Variants in DGKG observed in about 807,000 individuals in gnomAD.
DGKG encodes diacylglycerol kinase gamma.
A neutral mutation model predicts 105.3 loss-of-function variants in DGKG; 78 were observed. The observed-to-expected ratio is 0.74, with a 90% CI of 0.62 to 0.89. The LOEUF is 0.89. Ranked by LOEUF, DGKG falls within the 40% of genes least tolerant of loss-of-function variation. DGKG has a pLI of 0.00. For missense variants in DGKG, 958 were observed against 1,020.1 expected, an observed-to-expected ratio of 0.94 and a Z score of 0.83; for synonymous variants, 346 against 367.1, an observed-to-expected ratio of 0.94 and a Z score of 0.66.
chr3:186,315,012 T>C (rs756127956), intron 2 of DGKG, among the ~76,000 whole-genome samples: 5 of 152,132 alleles, frequency 3.3e-5, no homozygotes. Context: ...AGAGGGTCAG[T>C]AGGCGGCATC....
At chr3:186,291,118 C>T (rs1723293562) in intron 5 of DGKG, among the ~76,000 whole-genome samples, 1 of 152,138 alleles carries the variant, frequency 6.6e-6, no homozygotes, top group Admixed American at 6.5e-5. Flanking sequence ...AAAAACAAAG[C>T]TCAGGACTTT....
At chr3:186,312,492 G>A (rs370747714) in intron 2 of DGKG, among the ~76,000 whole-genome samples, 68 of 152,272 alleles carry the variant, frequency 4.5e-4, no homozygotes, top group African/African-American at 1.6e-3. Context: ...TGGATCTGGG[G>A]CTGACTGCTG....
At chr3:186,313,542 T>C (rs1043764212) in intron 2 of DGKG, 74 of 985,150 alleles carry the variant, frequency 7.5e-5, no homozygotes, top group Non-Finnish European at 8.7e-5. Context: ...ATCAGACAAC[T>C]TGGACCATCT....
intron 24 of DGKG, among the ~76,000 whole-genome samples, chr3:186,154,155 A>G: frequency 6.6e-6 from 1 of 152,172 alleles, no homozygotes; most frequent in East Asian, 1.9e-4. Context: ...TTTGAACTGG[A>G]GATGCATAGA....
Position 186,181,809 on chromosome 3 carries a change from G to A in DGKG, c.2095+6393C>T, listed in dbSNP as rs145654475. On this transcript the variant is annotated intron_variant, in intron 22 of 24. Coordinates refer to ENST00000265022, the MANE Select transcript of DGKG (RefSeq NM_001346.3). The stretch of plus-strand genomic sequence containing the variant: ...AGGATTGACCAAGAAATCACTGAGA[G>A]GAAAGTTGCTTTAATATCAGACAGC... 4.0e-3 allele frequency among the ~76,000 whole-genome samples: 602 copies of A among 152,330 alleles called. 7 individuals are homozygous for A. Among genetic ancestry groups the A allele is most frequent in the African/African-American group, 0.014 (575 of 41,576 alleles).
At chr3:186,211,226 T>C (rs572998721) in intron 21 of DGKG, among the ~76,000 whole-genome samples, 7 of 152,182 alleles carry the variant, frequency 4.6e-5, no homozygotes, top group Non-Finnish European at 7.4e-5. Context: ...AGTGACAGCA[T>C]AGGATGAAAT....
intron 23 of DGKG, among the ~76,000 whole-genome samples, chr3:186,162,196 G>T (rs530443330): frequency 6.6e-6 from 1 of 152,146 alleles, no homozygotes; most frequent in South Asian, 2.1e-4. Context: ...GCGCTCGGCC[G>T]GGTCTGTGTT....
intron 1 of DGKG, among the ~76,000 whole-genome samples, chr3:186,352,158 A>G (rs980555729): frequency 2.0e-5 from 3 of 152,122 alleles, no homozygotes; most frequent in African/African-American, 7.2e-5. Flanking sequence ...CATGCTTACA[A>G]ATTTGTGAGC....
At chr3:186,314,550 T>A (rs527777990) in intron 2 of DGKG, among the ~76,000 whole-genome samples, 6 of 151,646 alleles carry the variant, frequency 4.0e-5, no homozygotes, top group Admixed American at 3.3e-4. Context: ...AGGTCAGGAG[T>A]TCGAGACCAG....
At position 186,210,979 on chromosome 3, in the gene DGKG, T is replaced by C. The variant is rs1462263756; in HGVS notation, c.1917+816A>G. The stretch of plus-strand genomic sequence containing the variant: ...AAGGAGCTGTCCTCATGGCAATCAA[T>C]GAGAGGGCTTCCGGAGCGAAGCCCA... On this transcript the variant is annotated intron_variant, in intron 21 of 24. Transcript: ENST00000265022. The surrounding 1 kb of genome is among the most constrained non-coding windows in gnomAD (Gnocchi z 5.2). Among the ~76,000 whole-genome samples, 1 of 151,984 alleles carries C rather than the reference T, an allele frequency of 6.6e-6. No homozygotes were observed. Among genetic ancestry groups the C allele is most frequent in the African/African-American group, 2.4e-5 (1 of 41,372 alleles).
intron 9 of DGKG, 61 bp from the exon 10 acceptor site, chr3:186,275,725 G>A: frequency 8.7e-7 from 1 of 1,147,350 alleles, no homozygotes; most frequent in Admixed American, 2.0e-5. Flanking sequence ...GGAAGCCAGG[G>A]GCTGCCTCTT....
intron 21 of DGKG, among the ~76,000 whole-genome samples, chr3:186,204,764 ACT>A (rs1718637734): frequency 1.3e-5 from 2 of 151,782 alleles, no homozygotes; most frequent in South Asian, 2.1e-4. Flanking sequence ...TGTGCGAGAA[ACT>A]CTCTAGATCG....
chr3:186,157,805 C>G (rs901999687), intron 24 of DGKG, among the ~76,000 whole-genome samples: 1 of 152,082 alleles, frequency 6.6e-6, no homozygotes, highest in Non-Finnish European at 1.5e-5. Context: ...TGAGTTCAAG[C>G]GATTCTCATG....
At chr3:186,320,369 A>G in intron 2 of DGKG, 24 bp downstream of exon 2, 1 of 1,613,962 alleles carries the variant, frequency 6.2e-7, no homozygotes, top group Non-Finnish European at 8.5e-7. Context: ...ATCCCGTCCC[A>G]GGGCTGTCAA....
In DGKG at chr3:186,324,147, A is replaced by G. The variant is rs541585527; in HGVS notation, c.-248-3440T>C. 1.5e-4 allele frequency among the ~76,000 whole-genome samples: 23 copies of G among 151,054 alleles called. 1 individual carries two copies. In the South Asian group the frequency reaches 3.1e-3, roughly 21 times the overall value. ...AAAAGAATGCCTCCATGGCCTGGGC[A>G]TTCTGCACACCTTCAGAAGCACAGA... is the stretch of plus-strand genomic sequence containing the variant. On this transcript the variant is annotated intron_variant, in intron 1 of 24. Coordinates refer to ENST00000265022, the MANE Select transcript of DGKG (RefSeq NM_001346.3).
intron 1 of DGKG, among the ~76,000 whole-genome samples, chr3:186,330,945 C>T (rs1302828743): frequency 6.6e-6 from 1 of 152,188 alleles, no homozygotes; most frequent in Non-Finnish European, 1.5e-5. Context: ...GACAACTACA[C>T]AAGCACTTTT....
At chr3:186,360,671 C>G (rs993719276) in intron 1 of DGKG, among the ~76,000 whole-genome samples, 1 of 152,176 alleles carries the variant, frequency 6.6e-6, no homozygotes, top group Non-Finnish European at 1.5e-5. Context: ...CATTGACAAC[C>G]AGGGTGCCCT....
intron 20 of DGKG, among the ~76,000 whole-genome samples, chr3:186,239,022 C>T (rs1720550725): frequency 6.6e-6 from 1 of 152,154 alleles, no homozygotes; most frequent in Admixed American, 6.5e-5. Context: ...TGGACATTCT[C>T]TGCAGAAAAA....
chr3:186,259,250 A>G (rs192842049), intron 16 of DGKG, among the ~76,000 whole-genome samples: 10 of 152,274 alleles, frequency 6.6e-5, no homozygotes, highest in African/African-American at 1.9e-4. Context: ...TCAGATGAAA[A>G]CAATTTAGAA....
Sources: allele counts gnomAD v4.1 joint callset (sites outside exome capture counted in the v4.1 genomes callset), GRCh38; gene constraint gnomAD v4.1.1; non-coding constraint Gnocchi (gnomAD v3.1); transcripts MANE v1.5; gene names NCBI Gene and HGNC (gene_info 2026-07-23, HGNC 2026-07-21).